Variants in NAV1 observed in about 807,000 individuals in gnomAD.
The protein encoded by NAV1 is pore membrane and/or filament interacting like protein 3.
In NAV1, 18 loss-of-function variants were observed where a neutral mutation model predicts 175.2. That is an observed-to-expected ratio of 0.10 (90% CI 0.07 to 0.15). The LOEUF (loss-of-function observed/expected upper bound fraction) is 0.15. Among genes scored for constraint, NAV1 ranks in the 10% least tolerant of loss-of-function variants. NAV1 has a pLI of 1.00. For missense variants in NAV1, 1,731 were observed against 2,436.6 expected, an observed-to-expected ratio of 0.71 and a Z score of 6.10; for synonymous variants, 897 against 978.7, an observed-to-expected ratio of 0.92 and a Z score of 1.56.
At chr1:201,822,352 A>G (rs1416729613) in exon 30 of NAV1, 1 of 152,546 alleles carries the variant, frequency 6.6e-6, no homozygotes, top group Non-Finnish European at 1.5e-5. Context: ...ACCCTATCCT[A>G]AGCTCCAGTT....
chr1:201,712,057 G>A (rs188153373), intron 1 of NAV1, among the ~76,000 whole-genome samples: 254 of 152,294 alleles, frequency 1.7e-3, no homozygotes, highest in Non-Finnish European at 2.5e-3. Flanking sequence ...TTCTCACTCA[G>A]GATTGCACCA....
At chr1:201,731,095 T>G (rs1287523262) in intron 3 of NAV1, among the ~76,000 whole-genome samples, 1 of 151,876 alleles carries the variant, frequency 6.6e-6, no homozygotes, top group Non-Finnish European at 1.5e-5. Flanking sequence ...ATAGCTACAT[T>G]GGAGGCAGAT....
At position 201,739,914 on chromosome 1, in the gene NAV1, C is replaced by T. The variant is rs956854079; in HGVS notation, c.1226+21159C>T. 1.5e-5 allele frequency: 19 copies of T among 1,302,248 alleles called. No individual in the cohort carries two copies. The African/African-American group carries it at 2.5e-4, about 17-fold the overall frequency. 80.7% of individuals were successfully genotyped at this position (1,302,248 alleles called of 1,614,324 possible). The stretch of plus-strand genomic sequence containing the variant: ...AGGCGAGGGTTAGGTTTCCGACCCT[C>T]CGCGTGGCCCACAGCTCATACCTTT... On this transcript the variant is annotated intron_variant, in intron 3 of 29. Transcript: ENST00000367296.
At chr1:201,690,977 A>G (rs763266823) in intron 1 of NAV1, among the ~76,000 whole-genome samples, 1 of 152,210 alleles carries the variant, frequency 6.6e-6, no homozygotes, top group Non-Finnish European at 1.5e-5. Context: ...ATTATAATAC[A>G]TTGATCCTGT....
chr1:201,566,329 C>T (rs893463397), intron 1 of NAV1, among the ~76,000 whole-genome samples: 5 of 151,998 alleles, frequency 3.3e-5, no homozygotes, highest in African/African-American at 1.2e-4. Flanking sequence ...AAGGCTTCCC[C>T]CTGAGCCCAC....
chr1:201,574,264 A>AC (rs1355655911), intron 1 of NAV1, among the ~76,000 whole-genome samples: 6 of 152,194 alleles, frequency 3.9e-5, no homozygotes, highest in African/African-American at 1.4e-4. Context: ...TTAAATCCCC[A>AC]CAGAGAGAGT....
chr1:201,809,486 T>G (rs554993045), exon 22 of NAV1: 1 of 1,614,066 alleles, frequency 6.2e-7, no homozygotes, highest in Non-Finnish European at 8.5e-7. Context: ...GCAAGGTCAG[T>G]GGAAAAGTTG....
In NAV1 at chr1:201,782,941, G is replaced by A; in HGVS notation, c.2357+72G>A. ...CTTTCGCATATCTCTGCCCTCCTTGGACTAGATGAGGCATGGCCTATCCAC... is the reference window on the plus strand; with the variant it reads ...CTTTCGCATATCTCTGCCCTCCTTGAACTAGATGAGGCATGGCCTATCCAC... On this transcript the variant is annotated intron_variant, in intron 6 of 29. Coordinates refer to ENST00000367296, the Ensembl canonical transcript of NAV1. The surrounding 1 kb of genome is among the most constrained non-coding windows in gnomAD (Gnocchi z 5.4). 7.5e-7 allele frequency: 1 copy of A among 1,329,266 alleles called. No individual in the cohort carries two copies. The highest frequency in any genetic ancestry group is 1.0e-6 in the Non-Finnish European group (1 of 969,980). The allele number at this position is 1,329,266 out of a possible 1,614,324, so 82.3% of individuals were successfully genotyped here. A position where few individuals can be genotyped will look rare whatever the true frequency, so the allele number is the denominator to read the frequency against.
At chr1:201,802,456 T>A (rs1430658503) in intron 15 of NAV1, among the ~76,000 whole-genome samples, 2 of 18,890 alleles carry the variant, frequency 1.1e-4, no homozygotes, top group African/African-American at 2.7e-4. Flanking sequence ...CCCTGTCTCA[T>A]TAAAAAAAAA....
intron 21 of NAV1, 61 bp from the exon 26 acceptor site, chr1:201,809,381 C>G (rs963200718): frequency 1.3e-6 from 2 of 1,590,452 alleles, no homozygotes; most frequent in Non-Finnish European, 8.6e-7. Context: ...GCCTTTAGGA[C>G]CCCGGTTCAT....
intron 14 of NAV1, 43 bp from the exon 19 acceptor site, chr1:201,794,423 G>A: frequency 1.3e-6 from 2 of 1,569,860 alleles, no homozygotes; most frequent in Non-Finnish European, 1.7e-6. Context: ...TTATAGGTGT[G>A]AGCCACCGTG....
At chr1:201,742,369 C>T (rs540735845) in intron 3 of NAV1, among the ~76,000 whole-genome samples, 1 of 152,302 alleles carries the variant, frequency 6.6e-6, no homozygotes, top group South Asian at 2.1e-4. Flanking sequence ...ATGACCAGCT[C>T]TTGATGAGTG....
At chr1:201,602,628 TTAAGC>T (rs1209565778) in intron 2 of NAV1, among the ~76,000 whole-genome samples, 2 of 151,100 alleles carry the variant, frequency 1.3e-5, no homozygotes, top group Non-Finnish European at 2.9e-5. Context: ...GCACCTAGAC[TTAAGC>T]TATGTTTTTT....
chr1:201,649,515 T>A (rs1669105040), intron 1 of NAV1, 90 bp downstream of exon 5: 1 of 1,420,040 alleles, frequency 7.0e-7, no homozygotes, highest in Admixed American at 2.9e-5. Context: ...CCCCCTCCCC[T>A]TGCGCCTTCC....
intron 1 of NAV1, among the ~76,000 whole-genome samples, chr1:201,654,106 G>A (rs564346985): frequency 6.6e-6 from 1 of 152,248 alleles, no homozygotes; most frequent in African/African-American, 2.4e-5. Flanking sequence ...TGAATAAGTA[G>A]GTCCTAGGGG....
intron 1 of NAV1, among the ~76,000 whole-genome samples, chr1:201,667,513 A>G (rs768932315): frequency 1.5e-4 from 23 of 152,176 alleles, no homozygotes; most frequent in Admixed American, 4.6e-4. Flanking sequence ...GGTGAGTGGC[A>G]GATCAGAGAC....
At chr1:201,659,229 G>A (rs375509543) in intron 1 of NAV1, among the ~76,000 whole-genome samples, 2 of 152,358 alleles carry the variant, frequency 1.3e-5, no homozygotes, top group East Asian at 3.9e-4. Flanking sequence ...GTGGTGCCAC[G>A]TACTAGCTCT....
At chr1:201,785,442 T>C in intron 8 of NAV1, 91 bp downstream of exon 12, 1 of 1,343,292 alleles carries the variant, frequency 7.4e-7, no homozygotes, top group Non-Finnish European at 1.1e-6. Context: ...GCTCCAGTCA[T>C]GAATTTAGTC....
chr1:201,668,791 C>T (rs983525177), intron 1 of NAV1, among the ~76,000 whole-genome samples: 3 of 152,128 alleles, frequency 2.0e-5, no homozygotes, highest in African/African-American at 7.2e-5. Context: ...AGAAGGGGGC[C>T]TTTGGGATCC....
Sources: allele counts gnomAD v4.1 joint callset (sites outside exome capture counted in the v4.1 genomes callset), GRCh38; gene constraint gnomAD v4.1.1; non-coding constraint Gnocchi (gnomAD v3.1); transcripts MANE v1.5; gene names NCBI Gene and HGNC (gene_info 2026-07-23, HGNC 2026-07-21).